Variants in PFKFB3 observed in about 807,000 individuals in gnomAD.
The protein encoded by PFKFB3 is 6-phosphofructo-2-kinase/fructose-2,6-biphosphatase 3.
In PFKFB3, 33 loss-of-function variants were observed where a neutral mutation model predicts 68.0. The observed-to-expected ratio is 0.49, with a 90% CI of 0.37 to 0.65. PFKFB3 has a LOEUF of 0.65. PFKFB3 is among the 30% of genes least tolerant of loss of function. PFKFB3 has a pLI of 0.00. For missense variants in PFKFB3, 586 were observed against 712.2 expected (o/e 0.82, Z 2.02); for synonymous variants, 315 against 288.2 (o/e 1.09, Z -0.94).
intron 1 of PFKFB3, among the ~76,000 whole-genome samples, chr10:6,192,555 C>T (rs944713315): frequency 3.3e-5 from 5 of 152,104 alleles, no homozygotes; most frequent in East Asian, 1.9e-4. Flanking sequence ...GCGGGTCACC[C>T]GGGCATGCTT....
intron 1 of PFKFB3, among the ~76,000 whole-genome samples, chr10:6,203,833 C>T (rs951560626): frequency 2.0e-5 from 3 of 152,204 alleles, no homozygotes; most frequent in Non-Finnish European, 4.4e-5. Context: ...TTTTCTCTTT[C>T]GATATATATG....
At chr10:6,255,879 A>T (rs1181164425), downstream of PFKFB3, among the ~76,000 whole-genome samples, 1 of 152,130 alleles carries the variant, frequency 6.6e-6, no homozygotes, top group African/African-American at 2.4e-5. Flanking sequence ...TATCATCATT[A>T]TCCTGGAAGG....
downstream of PFKFB3, among the ~76,000 whole-genome samples, chr10:6,255,514 G>C (rs1344428114): frequency 6.6e-6 from 1 of 152,234 alleles, no homozygotes; most frequent in Non-Finnish European, 1.5e-5. Flanking sequence ...AAAAATGCAA[G>C]ATATATTTTC....
upstream of PFKFB3, among the ~76,000 whole-genome samples, chr10:6,201,625 C>T (rs1051810745): frequency 1.3e-5 from 2 of 152,030 alleles, no homozygotes; most frequent in Non-Finnish European, 2.9e-5. This position sits in a 1 kb window ranked among gnomAD's most constrained non-coding sequence, Gnocchi z 4.1. Context: ...CGGGCGCCCT[C>T]CCTGTGGAGC....
intron 1 of PFKFB3, among the ~76,000 whole-genome samples, chr10:6,149,225 T>C (rs1481832002): frequency 6.6e-6 from 1 of 152,208 alleles, no homozygotes; most frequent in African/African-American, 2.4e-5. Flanking sequence ...CAGACAGCAG[T>C]GTTCCAAGGA....
chr10:6,228,057 G>A lies in PFKFB3; in HGVS notation c.1515+1692G>A, dbSNP rs1564643020. The A allele has an allele frequency of 1.7e-5, 14 of 839,116 alleles. 1 individual carries two copies. The highest frequency in any genetic ancestry group is 2.6e-5 in the East Asian group (1 of 39,100). 52.0% of individuals were successfully genotyped at this position (839,116 alleles called of 1,614,324 possible). On this transcript the variant is annotated intron_variant, in intron 14 of 14. Coordinates refer to ENST00000379775, the MANE Select transcript of PFKFB3 (RefSeq NM_004566.4). This position sits in a 1 kb window ranked among gnomAD's most constrained non-coding sequence, Gnocchi z 4.5. ...TTCAGAGCTGCCCCTGGCGTTGGGA[G>A]GACAGTCCTTCAGGGTGGCCAGGTT... is the stretch of plus-strand genomic sequence containing the variant.
intron 1 of PFKFB3, among the ~76,000 whole-genome samples, chr10:6,212,178 G>A (rs1588491260): frequency 6.6e-6 from 1 of 152,384 alleles, no homozygotes; most frequent in African/African-American, 2.4e-5. Context: ...TGAGTGCTGG[G>A]CCGTGCCGCC....
intron 14 of PFKFB3, among the ~76,000 whole-genome samples, chr10:6,231,091 G>T (rs1236676230): frequency 1.3e-5 from 2 of 152,116 alleles, no homozygotes; most frequent in South Asian, 4.1e-4. Context: ...GTGCTCTGGG[G>T]TGCCTTCCTG....
At chr10:6,202,028 GC>G (rs1454043896), upstream of PFKFB3, among the ~76,000 whole-genome samples, 1 of 152,216 alleles carries the variant, frequency 6.6e-6, no homozygotes, top group Non-Finnish European at 1.5e-5. Context: ...ATAAGGGGCC[GC>G]CCCCAATAGT....
intron 1 of PFKFB3, among the ~76,000 whole-genome samples, chr10:6,187,905 C>A (rs1265992339): frequency 6.6e-6 from 1 of 152,096 alleles, no homozygotes; most frequent in African/African-American, 2.4e-5. Context: ...CTAGATTCTG[C>A]AAGTGTTACC....
rs1016105601 is a variant in PFKFB3, at chr10:6,162,968, A to G, written c.16+17955A>G. The stretch of plus-strand genomic sequence containing the variant: ...ATGGATGGAGCTGGGAAACATTTTA[A>G]AATTGTAAATTCAAACGGATCAGTT... On this transcript the variant is annotated intron_variant, in intron 1 of 14. Transcript: ENST00000379789. 7.9e-5 allele frequency among the ~76,000 whole-genome samples: 12 copies of G among 152,278 alleles called. No homozygotes were observed. In the East Asian group the frequency reaches 2.1e-3, roughly 27 times the overall value.
At chr10:6,256,423 A>G (rs1298566739), downstream of PFKFB3, among the ~76,000 whole-genome samples, 1 of 152,202 alleles carries the variant, frequency 6.6e-6, no homozygotes, top group Non-Finnish European at 1.5e-5. Flanking sequence ...AAGGATGTGC[A>G]TGACAGTACC....
At chr10:6,317,595 C>T in the PFKFB3 span, among the ~76,000 whole-genome samples, 7 of 152,010 alleles carry the variant, frequency 4.6e-5, no homozygotes, top group Non-Finnish European at 1.0e-4. Flanking sequence ...TCAGAGGAGC[C>T]GGTGGAGCGG....
intron 14 of PFKFB3, among the ~76,000 whole-genome samples, chr10:6,230,464 G>A (rs931665029): frequency 6.6e-6 from 1 of 152,178 alleles, no homozygotes; most frequent in East Asian, 1.9e-4. Context: ...ACTTCATAAA[G>A]TTGTCATAAT....
rs1231385095 is a variant in PFKFB3, at chr10:6,154,721, G to A, written c.16+9708G>A. Reference sequence around the variant, plus strand: ...GGCTGGATTCTGAATATATTTAGGAGGCAGAGGCGGCGGGATTTGATGGAT... The same window carrying A: ...GGCTGGATTCTGAATATATTTAGGAAGCAGAGGCGGCGGGATTTGATGGAT... On this transcript the variant is annotated intron_variant, in intron 1 of 14. Transcript: ENST00000379789. The surrounding 1 kb of genome is among the most constrained non-coding windows in gnomAD (Gnocchi z 4.6). Among the ~76,000 whole-genome samples, 1 of 152,166 alleles carries A rather than the reference G, an allele frequency of 6.6e-6. No homozygotes were observed. Among genetic ancestry groups the A allele is most frequent in the African/African-American group, 2.4e-5 (1 of 41,446 alleles).
intron 1 of PFKFB3, among the ~76,000 whole-genome samples, chr10:6,165,006 CCT>C (rs982332670): frequency 1.3e-5 from 2 of 151,702 alleles, no homozygotes; most frequent in Non-Finnish European, 2.9e-5. Context: ...AAAGAGGCCC[CCT>C]CTCTTTCACT....
upstream of PFKFB3, among the ~76,000 whole-genome samples, chr10:6,200,079 G>T (rs527819649): frequency 1.3e-5 from 2 of 151,882 alleles, no homozygotes; most frequent in Admixed American, 1.3e-4. Flanking sequence ...CTCCTAATTG[G>T]CTTTCTTCTT....
At chr10:6,177,131 T>C (rs1001210395) in intron 1 of PFKFB3, among the ~76,000 whole-genome samples, 2 of 152,228 alleles carry the variant, frequency 1.3e-5, no homozygotes, top group African/African-American at 4.8e-5. Flanking sequence ...AATTGTTCCC[T>C]AATGGTTTCC....
Position 6,226,289 on chromosome 10 carries a change from A to C in PFKFB3, c.1439A>C (p.Glu480Ala), listed in dbSNP as rs1429065832. 6.2e-7 allele frequency: 1 copy of C among 1,614,154 alleles called. No individual in the cohort carries two copies. The highest frequency in any genetic ancestry group is 2.2e-5 in the East Asian group (1 of 44,874). ...AAAAAGCCTCGCATCAACAGCTTTG[A>C]GGAGCATGTGGCCTCCACCTCGGCC... ...PTKKPRINSF[E>A]EHVASTSAAL... The change falls in exon 14 of 15, where the codon GAG (glutamate) becomes GCG (alanine). Residue 480 changes from glutamate to alanine, a missense_variant. By Grantham distance (107) the Glu-to-Ala change is moderately radical (BLOSUM62 -1). Coordinates refer to ENST00000379775, the MANE Select transcript of PFKFB3 (RefSeq NM_004566.4).
Sources: allele counts gnomAD v4.1 joint callset (sites outside exome capture counted in the v4.1 genomes callset), GRCh38; gene constraint gnomAD v4.1.1; non-coding constraint Gnocchi (gnomAD v3.1); transcripts MANE v1.5; gene names NCBI Gene and HGNC (gene_info 2026-07-23, HGNC 2026-07-21).